Variants in PDHX observed in about 807,000 individuals in gnomAD.
PDHX encodes pyruvate dehydrogenase protein X component, mitochondrial.
In PDHX, 33 loss-of-function variants were observed where a neutral mutation model predicts 55.3. The ratio of observed to expected loss-of-function variants is 0.60; its 90% CI spans 0.45 to 0.80. The LOEUF (loss-of-function observed/expected upper bound fraction) is 0.80. Ranked by LOEUF, PDHX falls within the 30% of genes least tolerant of loss-of-function variation. The pLI, the probability that PDHX is intolerant of heterozygous loss-of-function variation, is 0.00. For missense variants in PDHX, 622 were observed against 619.9 expected, an observed-to-expected ratio of 1.00 and a Z score of -0.04; for synonymous variants, 226 against 219.4, an observed-to-expected ratio of 1.03 and a Z score of -0.27.
intron 5 of PDHX, among the ~76,000 whole-genome samples, chr11:34,963,969 G>C (rs1211024340): frequency 6.6e-6 from 1 of 152,202 alleles, no homozygotes; most frequent in Non-Finnish European, 1.5e-5. Flanking sequence ...TGACAGGCAA[G>C]TGCCTAGTGT....
chr11:34,916,152 C>A (rs1853680964), upstream of PDHX: 23 of 1,547,770 alleles, frequency 1.5e-5, no homozygotes, highest in Non-Finnish European at 1.8e-5. Flanking sequence ...CGCTACCCTG[C>A]GCCCAGCTCC....
At chr11:34,986,797 G>A (rs1447558910) in intron 9 of PDHX, among the ~76,000 whole-genome samples, 1 of 152,090 alleles carries the variant, frequency 6.6e-6, no homozygotes, top group Non-Finnish European at 1.5e-5. Context: ...TCTCTGGCGG[G>A]CCTTGGGCAT....
chr11:34,977,893 A>G, intron 7 of PDHX: 1 of 568,424 alleles, frequency 1.8e-6, no homozygotes, highest in South Asian at 1.6e-5. Context: ...AAAAATTGAT[A>G]ACCAAGGCCC....
chr11:34,937,851 G>T lies in PDHX; in HGVS notation c.241+6367G>T, dbSNP rs79395843. 8.1e-3 allele frequency among the ~76,000 whole-genome samples: 1,226 copies of T among 152,258 alleles called. 20 individuals are homozygous for T. The highest frequency in any genetic ancestry group is 0.028 in the African/African-American group (1,178 of 41,534). ...GAAGCCATTATTCTGGAAGAATACAGCTTCTAATCCAAACCATACAGAATT... is the reference window on the plus strand; with the variant it reads ...GAAGCCATTATTCTGGAAGAATACATCTTCTAATCCAAACCATACAGAATT... On this transcript the variant is annotated intron_variant, in intron 2 of 10. Coordinates refer to ENST00000227868, the MANE Select transcript of PDHX (RefSeq NM_003477.3).
At chr11:34,974,889 T>G (rs1320411915) in intron 7 of PDHX, among the ~76,000 whole-genome samples, 1 of 152,142 alleles carries the variant, frequency 6.6e-6, no homozygotes, top group African/African-American at 2.4e-5. Context: ...GCCTGGCTCA[T>G]AGAGCAAGAC....
chr11:34,982,243 A>G (rs1855531928), intron 8 of PDHX, among the ~76,000 whole-genome samples: 1 of 152,184 alleles, frequency 6.6e-6, no homozygotes, highest in African/African-American at 2.4e-5. Context: ...TCCCAGCACC[A>G]TTTATTAAAT....
chr11:34,965,786 A>G (rs1807706918), intron 5 of PDHX, among the ~76,000 whole-genome samples: 1 of 152,190 alleles, frequency 6.6e-6, no homozygotes, highest in Admixed American at 6.5e-5. Context: ...ACTGAGAAAT[A>G]ATTTTTCCTT....
At chr11:34,956,902 A>C (rs1048343804) in intron 3 of PDHX, among the ~76,000 whole-genome samples, 1 of 152,190 alleles carries the variant, frequency 6.6e-6, no homozygotes, top group African/African-American at 2.4e-5. Context: ...TTTCAGACTA[A>C]GTTTACTGAA....
intron 2 of PDHX, among the ~76,000 whole-genome samples, chr11:34,937,373 C>T (rs973723483): frequency 3.3e-5 from 5 of 150,258 alleles, no homozygotes; most frequent in Non-Finnish European, 7.4e-5. Context: ...GTCCCCACAT[C>T]TGGAGTGGTG....
At chr11:34,929,393 G>C (rs917898110) in intron 1 of PDHX, among the ~76,000 whole-genome samples, 1 of 152,080 alleles carries the variant, frequency 6.6e-6, no homozygotes, top group African/African-American at 2.4e-5. Context: ...ATCACGCCTG[G>C]CTAATTTTTA....
At chr11:34,962,283 T>C (rs557540425) in intron 5 of PDHX, among the ~76,000 whole-genome samples, 65 of 152,272 alleles carry the variant, frequency 4.3e-4, no homozygotes, top group South Asian at 2.3e-3. Flanking sequence ...TTGAATGTGG[T>C]TAGAAGAACT....
chr11:34,948,952 C>T (rs1412187691), intron 3 of PDHX, among the ~76,000 whole-genome samples: 3 of 152,186 alleles, frequency 2.0e-5, no homozygotes, highest in African/African-American at 4.8e-5. Flanking sequence ...CATTTTTCCA[C>T]TTAGCTGCTT....
chr11:34,988,570 AAAAAG>A (rs1426054120), intron 9 of PDHX, among the ~76,000 whole-genome samples: 4 of 151,870 alleles, frequency 2.6e-5, no homozygotes, highest in African/African-American at 7.2e-5. Context: ...AAAAAAAAAA[AAAAAG>A]AAACTTGAGA....
At chr11:34,935,543 C>T (rs1251456839) in intron 2 of PDHX, among the ~76,000 whole-genome samples, 1 of 152,132 alleles carries the variant, frequency 6.6e-6, no homozygotes, top group Non-Finnish European at 1.5e-5. Context: ...AGTCTCCCCT[C>T]CAGGTATTGG....
intron 5 of PDHX, among the ~76,000 whole-genome samples, chr11:34,963,612 C>G (rs1469840546): frequency 6.6e-6 from 1 of 152,160 alleles, no homozygotes; most frequent in East Asian, 1.9e-4. Context: ...AGGACATGCT[C>G]CATACCATGT....
At chr11:34,940,928 G>A (rs1050436914) in intron 2 of PDHX, among the ~76,000 whole-genome samples, 4 of 152,008 alleles carry the variant, frequency 2.6e-5, no homozygotes, top group Non-Finnish European at 4.4e-5. Flanking sequence ...ATCATTATGC[G>A]TTTTTACATT....
chr11:34,947,439 T>C (rs1337680509), intron 2 of PDHX, 67 bp from the exon 3 acceptor site: 4 of 1,011,780 alleles, frequency 4.0e-6, no homozygotes, highest in Non-Finnish European at 3.1e-6. Context: ...GTTTTATTCA[T>C]ACGTACATAT....
intron 2 of PDHX, 59 bp from the exon 3 acceptor site, chr11:34,947,447 T>C (rs1854647731): frequency 9.3e-7 from 1 of 1,075,420 alleles, no homozygotes; most frequent in South Asian, 1.3e-5. Context: ...CATACGTACA[T>C]ATATACATAG....
At chr11:34,929,554 CAT>C (rs1374506705) in intron 1 of PDHX, among the ~76,000 whole-genome samples, 1 of 152,200 alleles carries the variant, frequency 6.6e-6, no homozygotes, top group Non-Finnish European at 1.5e-5. Flanking sequence ...TTTGATTAGA[CAT>C]ATGAAGAATG....
Sources: gnomAD v4.1 joint callset for allele counts (sites outside exome capture counted in the v4.1 genomes callset) on GRCh38, gnomAD v4.1.1 for gene constraint, MANE v1.5 for transcripts, NCBI Gene and HGNC (gene_info 2026-07-23, HGNC 2026-07-21) for gene names.